Variants in AIRE observed in about 807,000 individuals in gnomAD.
The protein encoded by AIRE is autoimmune polyendocrinopathy candidiasis ectodermal dystrophy protein.
Under a neutral mutation model 62.1 loss-of-function variants are expected in AIRE, and 52 were observed. That is an observed-to-expected ratio of 0.84 (90% CI 0.67 to 1.06). AIRE has a LOEUF of 1.06. Among genes scored for constraint, AIRE ranks in the 50% least tolerant of loss-of-function variants. The pLI, the probability that AIRE is intolerant of heterozygous loss-of-function variation, is 0.00. For synonymous variants in AIRE, 342 were observed against 321.6 expected (o/e 1.06, Z -0.68); for missense variants, 774 against 755.8 (o/e 1.02, Z -0.28).
At chr21:44,293,707 G>C (rs2040569592) in intron 10 of AIRE, 82 bp from the exon 11 acceptor site, 12 of 1,583,870 alleles carry the variant, frequency 7.6e-6, no homozygotes, top group Admixed American at 3.4e-5. Context: ...TGGTCCCAGG[G>C]GAGAGCGCAC....
intron 9 of AIRE, 97 bp from the exon 10 acceptor site, chr21:44,292,896 C>A: frequency 2.5e-6 from 3 of 1,193,300 alleles, no homozygotes; most frequent in Non-Finnish European, 2.5e-6. Context: ...TGCCCCCACC[C>A]TGCTGCCCTG....
chr21:44,296,478 CACT>C, intron 13 of AIRE, 33 bp downstream of exon 13: 2 of 1,588,640 alleles, frequency 1.3e-6, no homozygotes, highest in Non-Finnish European at 8.6e-7. Context: ...GGTGCTCCTC[CACT>C]CCCCCTCCCC....
chr21:44,294,546 T>TTCCCCACCCCCA, intron 12 of AIRE, 43 bp downstream of exon 12: 1 of 1,185,488 alleles, frequency 8.4e-7, no homozygotes, highest in Non-Finnish European at 1.1e-6. Flanking sequence ...GTGCTGGGGG[T>TTCCCCACCCCCA]GGGGAACCCC....
At position 44,287,750 on chromosome 21, in the gene AIRE, G is replaced by C. The variant is rs2040498283; in HGVS notation, c.538+159G>C. Among the ~76,000 whole-genome samples the C allele has an allele frequency of 6.6e-6, 1 of 152,036 alleles. No individual in the cohort carries two copies. Among genetic ancestry groups the C allele is most frequent in the Non-Finnish European group, 1.5e-5 (1 of 67,992 alleles). On this transcript the variant is annotated intron_variant, in intron 4 of 13. Transcript: ENST00000291582. The surrounding 1 kb of genome is among the most constrained non-coding windows in gnomAD (Gnocchi z 4.3). ...GGCCTAAGCTGCACCACCAGACCCA[G>C]GAAGGGGACACCTTGGGTCTAAGCA...
At position 44,294,422 on chromosome 21, in the gene AIRE, C is replaced by T. The variant is rs760924817; in HGVS notation, c.1422C>T (p.Ser474=). Residue 474 remains serine, a synonymous_variant, in exon 12 of 14, where the codon TCC becomes TCT. Coordinates refer to ENST00000291582, the MANE Select transcript of AIRE (RefSeq NM_000383.4). ...SRPGTGLRCR[S]CSGDVTPAPV... ...GCAGGACGGGCCTGCGCTGCAGATC[C>T]TGCTCAGGAGACGTGACCCCAGCCC... The T allele has an allele frequency of 7.6e-6, 12 of 1,579,706 alleles. No individual in the cohort carries two copies. The African/African-American group carries it at 1.5e-4, about 19-fold the overall frequency.
intron 12 of AIRE, among the ~76,000 whole-genome samples, chr21:44,296,146 C>CA (rs1355540604): frequency 6.6e-6 from 1 of 152,166 alleles, no homozygotes. Flanking sequence ...GGAGGCCACA[C>CA]AGTGTGGAGG....
At chr21:44,290,203 T>C in intron 7 of AIRE, 135 bp downstream of exon 7, 1 of 1,503,462 alleles carries the variant, frequency 6.7e-7, no homozygotes, top group Admixed American at 2.5e-5. Context: ...GTACAGCTCT[T>C]TTTCTTTAAT....
chr21:44,286,002 AC>A lies in AIRE; in HGVS notation c.-1del. Reference sequence around the variant, plus strand: ...GCCCCAGCCCCGGGTCCCCGCGCCCACCCCATGGCGACGGACGCGGCGCTAC... The same window carrying A: ...GCCCCAGCCCCGGGTCCCCGCGCCCACCCATGGCGACGGACGCGGCGCTAC... On this transcript the variant is annotated 5_prime_UTR_variant, in exon 1 of 14. Coordinates refer to ENST00000291582, the MANE Select transcript of AIRE (RefSeq NM_000383.4). This position sits in a 1 kb window ranked among gnomAD's most constrained non-coding sequence, Gnocchi z 6.0. 1 of 1,527,822 alleles carries A rather than the reference AC, an allele frequency of 6.5e-7. No homozygotes were observed. Among genetic ancestry groups the A allele is most frequent in the South Asian group, 1.2e-5 (1 of 83,592 alleles). 94.6% of individuals were successfully genotyped at this position (1,527,822 alleles called of 1,614,324 possible). A position where few individuals can be genotyped will look rare whatever the true frequency, so the allele number is the denominator to read the frequency against.
Position 44,286,888 on chromosome 21 carries a change from C to T in AIRE, c.308-90C>T. On this transcript the variant is annotated intron_variant, in intron 2 of 13. Coordinates refer to ENST00000291582, the MANE Select transcript of AIRE (RefSeq NM_000383.4). The surrounding 1 kb of genome is among the most constrained non-coding windows in gnomAD (Gnocchi z 6.0). ...AAGAGGCAAAGGGGCCAGGCCTCAC[C>T]TGTCTGGCCAAGGTGTCCAGTTCTG... is the stretch of plus-strand genomic sequence containing the variant. 1.9e-6 allele frequency: 3 copies of T among 1,587,652 alleles called. No homozygotes were observed. The highest frequency in any genetic ancestry group is 2.6e-6 in the Non-Finnish European group (3 of 1,158,950).
At position 44,293,909 on chromosome 21, in the gene AIRE, G is replaced by C. The variant is rs202018301; in HGVS notation, c.1399G>C (p.Gly467Arg). ...CTTCCCAGCCGGCACCTCCCGGCCC[G>C]GGTGAGTGAGCGTGGTCGGCGGGGA... ...CHFPAGTSRPGTGLRCRSCSG... is the reference protein window; with the variant it reads ...CHFPAGTSRPRTGLRCRSCSG... Residue 467 changes from glycine to arginine, a missense_variant and splice_region_variant, in exon 11 of 14, where the codon GGG becomes CGG. This residue lies in a region of AIRE where 354 missense variants were observed against 296.1 expected (regional missense o/e 1.20). Coordinates refer to ENST00000291582, the MANE Select transcript of AIRE (RefSeq NM_000383.4). The C allele has an allele frequency of 7.0e-5, 112 of 1,596,318 alleles. No homozygotes were observed. The highest frequency in any genetic ancestry group is 9.4e-5 in the Non-Finnish European group (111 of 1,179,444).
At position 44,294,511 on chromosome 21, in the gene AIRE, C is replaced by T. The variant is rs1390347231; in HGVS notation, c.1503+8C>T. ...GCCCCTGGGCCTGCCAAGGTCAGTG[C>T]CGCAGGGGCCCTCCATGCATGCCGG... On this transcript the variant is annotated splice_region_variant and intron_variant, in intron 12 of 13. Transcript: ENST00000291582. 10 of 1,416,714 alleles carry T rather than the reference C, an allele frequency of 7.1e-6. No homozygotes were observed. The highest frequency in any genetic ancestry group is 9.4e-6 in the Non-Finnish European group (10 of 1,065,342). The allele number at this position is 1,416,714 out of a possible 1,614,324, so 87.8% of individuals were successfully genotyped here.
chr21:44,290,498 C>G (rs2040525479), intron 7 of AIRE: 8 of 955,400 alleles, frequency 8.4e-6, no homozygotes, highest in African/African-American at 3.5e-5. Context: ...CACTTGGCAC[C>G]AGGGGCTCTG....
chr21:44,287,275 AC>A lies in AIRE; in HGVS notation c.463+143del, dbSNP rs1486358781. 4 of 1,004,148 alleles carry A rather than the reference AC, an allele frequency of 4.0e-6. No individual in the cohort carries two copies. In the African/African-American group the frequency reaches 6.5e-5, roughly 16 times the overall value. The allele number at this position is 1,004,148 out of a possible 1,614,324, so 62.2% of individuals were successfully genotyped here. A position where few individuals can be genotyped will look rare whatever the true frequency, so the allele number is the denominator to read the frequency against. ...GGGGCTGTGGGGGTCTCCTCTGGGT[AC>A]TAGACCCACACACTGGACCAGCCTC... On this transcript the variant is annotated intron_variant, in intron 3 of 13. Coordinates refer to ENST00000291582, the MANE Select transcript of AIRE (RefSeq NM_000383.4). This position sits in a 1 kb window ranked among gnomAD's most constrained non-coding sequence, Gnocchi z 4.3.
At chr21:44,294,579 C>T (rs2040586598) in intron 12 of AIRE, 76 bp downstream of exon 12, 2 of 742,340 alleles carry the variant, frequency 2.7e-6, no homozygotes, top group Admixed American at 6.9e-5. Flanking sequence ...TGGGGGAGCA[C>T]ATCTCAGGGC....
At chr21:44,295,684 C>T (rs550861990) in intron 12 of AIRE, among the ~76,000 whole-genome samples, 11 of 152,206 alleles carry the variant, frequency 7.2e-5, no homozygotes, top group African/African-American at 2.6e-4. Context: ...CCTTGGCCTC[C>T]CCCCTCAGCC....
chr21:44,290,378 G>T, intron 7 of AIRE: 1 of 985,440 alleles, frequency 1.0e-6, no homozygotes, highest in East Asian at 1.1e-4. Context: ...TAGCCAGGAG[G>T]TCAAGGATCC....
In AIRE at chr21:44,286,033, G is replaced by A; in HGVS notation, c.27G>A (p.Arg9=). The change falls in exon 1 of 14, where the codon CGG becomes CGA. Residue 9 remains arginine (R), a synonymous_variant. Transcript: ENST00000291582. This position sits in a 1 kb window ranked among gnomAD's most constrained non-coding sequence, Gnocchi z 6.0. MATDAALR[R]LLRLHRTEIA... ...TGGCGACGGACGCGGCGCTACGCCG[G>A]CTTCTGAGGCTGCACCGCACGGAGA... 6.5e-7 allele frequency: 1 copy of A among 1,536,140 alleles called. No individual in the cohort carries two copies. Among genetic ancestry groups the A allele is most frequent in the South Asian group, 1.2e-5 (1 of 83,906 alleles).
chr21:44,285,935 GC>G lies in AIRE; in HGVS notation c.-70del. ...CCCCACAGCCCCGCCGGGACCCGAG[GC>G]CAAGCGAGGGGCTGCCAGTGTCCCG... On this transcript the variant is annotated 5_prime_UTR_variant, in exon 1 of 14. Coordinates refer to ENST00000291582, the MANE Select transcript of AIRE (RefSeq NM_000383.4). The G allele has an allele frequency of 1.4e-6, 2 of 1,451,006 alleles. No individual in the cohort carries two copies. The highest frequency in any genetic ancestry group is 2.5e-5 in the South Asian group (2 of 78,676). The allele number at this position is 1,451,006 out of a possible 1,614,324, so 89.9% of individuals were successfully genotyped here. A position where few individuals can be genotyped will look rare whatever the true frequency, so the allele number is the denominator to read the frequency against.
Position 44,286,124 on chromosome 21 carries a change from G to T in AIRE, c.118G>T (p.Glu40Ter). 6.5e-7 allele frequency: 1 copy of T among 1,547,154 alleles called. No individual in the cohort carries two copies. ...GCTGGCTGACCACGACGTGGTCCCC[G>T]AGGACAAGTTTCAGGTGGGCTCCCC... ...HALADHDVVPEDKFQETLHLK... is the reference protein window; with the variant it reads ...HALADHDVVP Residue 40 changes from glutamate (E) to a stop codon, truncating the protein, a stop_gained, in exon 1 of 14, where the codon GAG (glutamate) becomes TAG (stop). Coordinates refer to ENST00000291582, the MANE Select transcript of AIRE (RefSeq NM_000383.4). LOFTEE classifies it high-confidence loss of function. This position sits in a 1 kb window ranked among gnomAD's most constrained non-coding sequence, Gnocchi z 6.0.
Sources: gnomAD v4.1 joint callset for allele counts (sites outside exome capture counted in the v4.1 genomes callset) on GRCh38, gnomAD v4.1.1 for gene constraint, gnomAD v4.1.1 regional missense constraint, Gnocchi (gnomAD v3.1) non-coding constraint, MANE v1.5 for transcripts, NCBI Gene and HGNC (gene_info 2026-07-23, HGNC 2026-07-21) for gene names.